C5orf24: variants seen among roughly 807,000 people sequenced by gnomAD.
C5orf24 encodes the protein UPF0461 protein C5orf24.
C5orf24 carries 4 observed loss-of-function variants against 9.8 expected under a neutral mutation model. The ratio of observed to expected loss-of-function variants is 0.41; its 90% CI spans 0.20 to 0.93. The LOEUF is 0.93. C5orf24 is among the 40% of genes least tolerant of loss of function. The probability of loss-of-function intolerance (pLI) is 0.33; values close to 1 mark genes in which losing one functional copy is unlikely to be tolerated. For synonymous variants in C5orf24, 73 were observed against 81.3 expected, an observed-to-expected ratio of 0.90 and a Z score of 0.55; for missense variants, 170 against 236.9, an observed-to-expected ratio of 0.72 and a Z score of 1.85.
chr5:134,849,149 G>A (rs1756083699), intron 1 of C5orf24, among the ~76,000 whole-genome samples: 1 of 151,904 alleles, frequency 6.6e-6, no homozygotes, highest in Admixed American at 6.6e-5. Context: ...CAGCTACTTC[G>A]GAGGCTGAGG....
chr5:134,849,372 GC>G (rs1267948615), intron 1 of C5orf24, among the ~76,000 whole-genome samples: 2 of 152,150 alleles, frequency 1.3e-5, no homozygotes, highest in Non-Finnish European at 2.9e-5. Context: ...TAAATATGCT[GC>G]ATGTAAATAT....
At chr5:134,839,650 T>G in the C5orf24 span, among the ~76,000 whole-genome samples, 56 of 152,110 alleles carry the variant, frequency 3.7e-4, no homozygotes, top group African/African-American at 1.3e-3. Context: ...GCTGTTATTG[T>G]AGATGCTAAT....
In C5orf24 at chr5:134,855,767, AAT is replaced by A; in HGVS notation, c.*302_*303del. ...TCATTACTACTTTGGGGCTGTTCTA[AAT>A]AGATGCTTTATGTGATAAACAACTG... is the stretch of plus-strand genomic sequence containing the variant. On this transcript the variant is annotated 3_prime_UTR_variant, in exon 2 of 2. Transcript: ENST00000394976. The A allele has an allele frequency of 8.0e-7, 1 of 1,243,454 alleles. No homozygotes were observed. Among genetic ancestry groups the A allele is most frequent in the South Asian group, 1.9e-5 (1 of 53,218 alleles). 77.0% of individuals were successfully genotyped at this position (1,243,454 alleles called of 1,614,324 possible). A position where few individuals can be genotyped will look rare whatever the true frequency, so the allele number is the denominator to read the frequency against.
intron 1 of C5orf24, among the ~76,000 whole-genome samples, chr5:134,851,178 T>A (rs1015110945): frequency 6.6e-5 from 10 of 152,138 alleles, no homozygotes; most frequent in Non-Finnish European, 1.2e-4. Context: ...TTTTCCCGCC[T>A]TGGCCTCTCA....
the C5orf24 span, among the ~76,000 whole-genome samples, chr5:134,840,327 AG>A: frequency 6.0e-5 from 9 of 150,086 alleles, no homozygotes; most frequent in African/African-American, 1.5e-4. Flanking sequence ...AAAAAAAAAA[AG>A]AACAGGGAAG....
Position 134,858,120 on chromosome 5 carries a change from G to A in C5orf24, c.*2653G>A, listed in dbSNP as rs1305748420. 6.0e-6 allele frequency: 1 copy of A among 166,540 alleles called. No individual in the cohort carries two copies. Among genetic ancestry groups the A allele is most frequent in the Non-Finnish European group, 1.5e-5 (1 of 67,942 alleles). 10.3% of individuals were successfully genotyped at this position (166,540 alleles called of 1,614,324 possible). On this transcript the variant is annotated 3_prime_UTR_variant, in exon 2 of 2. Transcript: ENST00000394976. ...GTTTATTATCAGCAGCTATGTCCCA[G>A]GAAAAAAAAATGGGAGGGGCAAATG...
At chr5:134,853,790 TAGG>T (rs767902540) in intron 1 of C5orf24, among the ~76,000 whole-genome samples, 4 of 152,024 alleles carry the variant, frequency 2.6e-5, no homozygotes, top group Non-Finnish European at 4.4e-5. Flanking sequence ...ACCTTACAAA[TAGG>T]AGGTATTGGC....
intron 1 of C5orf24, among the ~76,000 whole-genome samples, chr5:134,852,088 G>A (rs1157373778): frequency 1.3e-5 from 2 of 152,142 alleles, no homozygotes; most frequent in African/African-American, 2.4e-5. Flanking sequence ...CTACAGGCAC[G>A]TGCCATCACG....
the C5orf24 span, among the ~76,000 whole-genome samples, chr5:134,836,860 A>G: frequency 6.6e-6 from 1 of 151,928 alleles, no homozygotes; most frequent in Non-Finnish European, 1.5e-5. Flanking sequence ...TTTTTATAAT[A>G]TGTTGCTATA....
chr5:134,854,988 G>A lies in C5orf24; in HGVS notation c.88G>A (p.Asp30Asn). ...CLNEDAMRAA[D>N]QFDIYSSQQS... ...CAATGAAGATGCCATGAGAGCTGCT[G>A]ATCAGTTTGACATATATTCCTCCCA... The change falls in exon 2 of 2, where the codon GAT (aspartate) becomes AAT (asparagine). Residue 30 changes from aspartate (D) to asparagine (N), a missense_variant. Around this residue, in one of 3 missense-constraint regions of C5orf24, gnomAD observed 93 missense variants for 104.5 expected, o/e 0.89. Coordinates refer to ENST00000394976, the MANE Select transcript of C5orf24 (RefSeq NM_001135586.1). The A allele has an allele frequency of 6.2e-7, 1 of 1,614,090 alleles. No individual in the cohort carries two copies. Among genetic ancestry groups the A allele is most frequent in the Non-Finnish European group, 8.5e-7 (1 of 1,180,024 alleles).
At chr5:134,844,520 T>C (rs2150170526), upstream of C5orf24, among the ~76,000 whole-genome samples, 3 of 152,252 alleles carry the variant, frequency 2.0e-5, no homozygotes, top group South Asian at 6.2e-4. Context: ...AATTGTTTTA[T>C]TTTTTGTAGA....
Position 134,857,593 on chromosome 5 carries a change from C to T in C5orf24, c.*2126C>T. On this transcript the variant is annotated 3_prime_UTR_variant, in exon 2 of 2. Coordinates refer to ENST00000394976, the MANE Select transcript of C5orf24 (RefSeq NM_001135586.1). ...AAATTGCTACAAGAGCTTTTTCTTG[C>T]AAAAGCTTAAAATACAAGATTTTTA... The T allele has an allele frequency of 1.6e-6, 1 of 606,846 alleles. No individual in the cohort carries two copies. The highest frequency in any genetic ancestry group is 2.5e-6 in the Non-Finnish European group (1 of 395,006). 37.6% of individuals were successfully genotyped at this position (606,846 alleles called of 1,614,324 possible). A position where few individuals can be genotyped will look rare whatever the true frequency, so the allele number is the denominator to read the frequency against.
In C5orf24 at chr5:134,857,953, C is replaced by G. The variant is rs1363901903; in HGVS notation, c.*2486C>G. The G allele has an allele frequency of 1.2e-5, 2 of 167,096 alleles. No individual in the cohort carries two copies. The highest frequency in any genetic ancestry group is 2.9e-5 in the Non-Finnish European group (2 of 68,154). The allele number at this position is 167,096 out of a possible 1,614,324, so 10.4% of individuals were successfully genotyped here. A position where few individuals can be genotyped will look rare whatever the true frequency, so the allele number is the denominator to read the frequency against. ...CCCTGCCTTTCGTACATTCATTCCT[C>G]TTCCTCTACCCTCCAGCACATCTAC... On this transcript the variant is annotated 3_prime_UTR_variant, in exon 2 of 2. Transcript: ENST00000394976.
the C5orf24 span, among the ~76,000 whole-genome samples, chr5:134,839,800 G>T: frequency 6.7e-6 from 1 of 150,302 alleles, no homozygotes; most frequent in African/African-American, 2.5e-5. Flanking sequence ...AGCAGTTCTC[G>T]TGTCTGCCTC....
intron 1 of C5orf24, among the ~76,000 whole-genome samples, chr5:134,851,167 A>AT (rs1211931812): frequency 1.3e-5 from 2 of 151,626 alleles, no homozygotes; most frequent in Non-Finnish European, 2.9e-5. Context: ...ACCTTAGGTG[A>AT]TTTTCCCGCC....
At chr5:134,852,606 A>T (rs560631477) in intron 1 of C5orf24, among the ~76,000 whole-genome samples, 2 of 152,328 alleles carry the variant, frequency 1.3e-5, no homozygotes, top group Admixed American at 1.3e-4. Flanking sequence ...CACATGTATG[A>T]AGGGTGCACA....
intron 1 of C5orf24, among the ~76,000 whole-genome samples, chr5:134,853,117 A>T (rs891167061): frequency 6.6e-6 from 1 of 152,060 alleles, no homozygotes; most frequent in Non-Finnish European, 1.5e-5. Flanking sequence ...GTGAGCTGAG[A>T]TCGCGCTACT....
chr5:134,857,152 T>A lies in C5orf24; in HGVS notation c.*1685T>A. 7.6e-7 allele frequency: 1 copy of A among 1,316,732 alleles called. No homozygotes were observed. Among genetic ancestry groups the A allele is most frequent in the Non-Finnish European group, 9.8e-7 (1 of 1,022,002 alleles). 81.6% of individuals were successfully genotyped at this position (1,316,732 alleles called of 1,614,324 possible). A position where few individuals can be genotyped will look rare whatever the true frequency, so the allele number is the denominator to read the frequency against. ...AAATAAAATATTATAAACTTCAGAC[T>A]TGAAAAAATTCCACTTAACTTTAAA... On this transcript the variant is annotated 3_prime_UTR_variant, in exon 2 of 2. Coordinates refer to ENST00000394976, the MANE Select transcript of C5orf24 (RefSeq NM_001135586.1).
At chr5:134,844,771 G>A (rs1459427234), upstream of C5orf24, among the ~76,000 whole-genome samples, 6 of 151,376 alleles carry the variant, frequency 4.0e-5, no homozygotes, top group East Asian at 2.0e-4. Flanking sequence ...ACGGAGTCTC[G>A]TTCTGTCCCA....
Sources: allele counts gnomAD v4.1 joint callset (sites outside exome capture counted in the v4.1 genomes callset), GRCh38; gene constraint gnomAD v4.1.1; regional missense constraint gnomAD v4.1.1; transcripts MANE v1.5; gene names NCBI Gene and HGNC (gene_info 2026-07-23, HGNC 2026-07-21).